The following SRRT variants were observed in gnomAD, a reference collection of about 807,000 sequenced individuals.
SRRT encodes the protein serrate, RNA effector molecule, also known as serrate RNA effector molecule homolog.
In SRRT, 32 loss-of-function variants were observed where a neutral mutation model predicts 103.2. The observed-to-expected ratio is 0.31, with a 90% CI of 0.23 to 0.42. The LOEUF (loss-of-function observed/expected upper bound fraction) is 0.42. Ranked by LOEUF, SRRT falls within the 10% of genes least tolerant of loss-of-function variation. SRRT has a pLI of 1.00. For synonymous variants in SRRT, 525 were observed against 449.0 expected (o/e 1.17, Z -2.14); for missense variants, 986 against 1,207.5 (o/e 0.82, Z 2.72).
intron 3 of SRRT, 72 bp from the exon 4 acceptor site, chr7:100,881,587 C>G: frequency 6.3e-7 from 1 of 1,599,894 alleles, no homozygotes; most frequent in South Asian, 1.1e-5. Context: ...TGTGTACCCC[C>G]GTCTGTCCAT....
In SRRT at chr7:100,882,387, G is replaced by T; in HGVS notation, c.587+146G>T. The T allele has an allele frequency of 2.3e-6, 2 of 868,552 alleles. No individual in the cohort carries two copies. Among genetic ancestry groups the T allele is most frequent in the Non-Finnish European group, 1.7e-6 (1 of 576,686 alleles). 53.8% of individuals were successfully genotyped at this position (868,552 alleles called of 1,614,324 possible). The stretch of plus-strand genomic sequence containing the variant: ...GGGAAGTATGACAGCATTGGCTGAT[G>T]GGGTCTCCCCCTCACTTCAGCAACT... On this transcript the variant is annotated intron_variant, in intron 5 of 19. Coordinates refer to ENST00000611405, the MANE Select transcript of SRRT (RefSeq NM_015908.6). The surrounding 1 kb of genome is among the most constrained non-coding windows in gnomAD (Gnocchi z 4.2).
At position 100,884,778 on chromosome 7, in the gene SRRT, G is replaced by A. The variant is rs766445211; in HGVS notation, c.981G>A (p.Lys327=). 4.3e-6 allele frequency: 7 copies of A among 1,613,970 alleles called. No homozygotes were observed. In the African/African-American group the frequency reaches 9.3e-5, roughly 22 times the overall value. Residue 327 remains lysine (K), a synonymous_variant, in exon 8 of 20, where the codon AAG becomes AAA. Coordinates refer to ENST00000611405, the MANE Select transcript of SRRT (RefSeq NM_015908.6). ...GTTCTAATGATGACAAAACAAAGAA[G>A]TCGGAGGGTGATGGGGACAAGGAAG... is the stretch of plus-strand genomic sequence containing the variant. ...NDSSNDDKTK[K]SEGDGDKEEK...
intron 2 of SRRT, chr7:100,880,758 C>T (rs1297439929): frequency 2.2e-5 from 9 of 406,708 alleles, no homozygotes; most frequent in East Asian, 1.8e-4. Context: ...TTGCTGCAGC[C>T]GCGACCTGCC....
chr7:100,888,284 C>T lies in SRRT; in HGVS notation c.2456C>T (p.Thr819Ile), dbSNP rs754994120. Residue 819 changes from threonine (T) to isoleucine (I), a missense_variant, in exon 19 of 20, where the codon ACA becomes ATA. Thr to Ile is a moderately conservative substitution (Grantham distance 89). Around this residue, in one of 6 missense-constraint regions of SRRT, gnomAD observed 178 missense variants for 189.6 expected, o/e 0.94. Transcript: ENST00000611405. ...GAGAVRPAVPTGGPPYPHAPY... is the reference protein window; with the variant it reads ...GAGAVRPAVPIGGPPYPHAPY... The stretch of plus-strand genomic sequence containing the variant: ...GGTGCTGTCCGCCCTGCAGTCCCCA[C>T]AGGAGGCCCTCCATACCCCCATGCC... 18 of 1,612,502 alleles carry T rather than the reference C, an allele frequency of 1.1e-5. No individual in the cohort carries two copies. Among genetic ancestry groups the T allele is most frequent in the Non-Finnish European group, 1.4e-5 (17 of 1,178,818 alleles).
rs771784129 is a variant in SRRT, at chr7:100,885,382, C to G, written c.1317+12C>G. The G allele has an allele frequency of 1.9e-6, 3 of 1,610,608 alleles. No individual in the cohort carries two copies. Among genetic ancestry groups the G allele is most frequent in the South Asian group, 1.1e-5 (1 of 90,876 alleles). ...CCGAGATCATCTCCGTGAGTGGGGA[C>G]CCGTGGAGTCAGGGCAGGGCTGATG... On this transcript the variant is annotated intron_variant, in intron 10 of 19. Transcript: ENST00000611405. The surrounding 1 kb of genome is among the most constrained non-coding windows in gnomAD (Gnocchi z 4.8).
At position 100,881,764 on chromosome 7, in the gene SRRT, C is replaced by A. The variant is rs144415744; in HGVS notation, c.357C>A (p.Asp119Glu). The A allele has an allele frequency of 3.1e-4, 500 of 1,613,600 alleles. 4 individuals carry two copies. The East Asian group carries it at 8.3e-3, about 27-fold the overall frequency. ...YGPPQPWGHP[D>E]VHIMQHHVLP... ...CCCCTCAGCCCTGGGGCCACCCTGA[C>A]GTCCACATCATGCAGCACCATGTCC... The change falls in exon 4 of 20, where the codon GAC becomes GAA. Residue 119 changes from aspartate (D) to glutamate (E), a missense_variant. Physicochemically the swap from Asp to Glu is conservative, Grantham distance 45. Transcript: ENST00000611405.
intron 18 of SRRT, 21 bp from the exon 19 acceptor site, chr7:100,888,236 C>A: frequency 1.2e-6 from 2 of 1,603,258 alleles, no homozygotes. Context: ...TTTTGCAACT[C>A]AACACTGATC....
rs771479952 is a variant in SRRT, at chr7:100,886,291, C to G, written c.1503C>G (p.Thr501=). ...ELSPGVNRDL[T]RRVRNINGIT... ...GCCCTGGTGTGAACAGGGACCTGACCCGGCGCGTTCGCAACATCAACGGCA... is the reference window on the plus strand; with the variant it reads ...GCCCTGGTGTGAACAGGGACCTGACGCGGCGCGTTCGCAACATCAACGGCA... Residue 501 remains threonine (T), a synonymous_variant, in exon 13 of 20, where the codon ACC becomes ACG. Coordinates refer to ENST00000611405, the MANE Select transcript of SRRT (RefSeq NM_015908.6). The G allele has an allele frequency of 2.5e-6, 4 of 1,613,098 alleles. No homozygotes were observed. Among genetic ancestry groups the G allele is most frequent in the Non-Finnish European group, 8.5e-7 (1 of 1,180,002 alleles).
chr7:100,884,259 T>C lies in SRRT; in HGVS notation c.757+20T>C, dbSNP rs1377236342. 1 of 1,613,536 alleles carries C rather than the reference T, an allele frequency of 6.2e-7. No homozygotes were observed. Among genetic ancestry groups the C allele is most frequent in the East Asian group, 2.2e-5 (1 of 44,854 alleles). ...ATGCAGGTGTGCGGATTTGGAGGGGTGGCAGGCATCTGGGCCCCATGGGGG... is the reference window on the plus strand; with the variant it reads ...ATGCAGGTGTGCGGATTTGGAGGGGCGGCAGGCATCTGGGCCCCATGGGGG... On this transcript the variant is annotated intron_variant, in intron 6 of 19. Transcript: ENST00000611405.
In SRRT at chr7:100,875,285, C is replaced by A; in HGVS notation, c.-62C>A. ...CCCGCGACCCAGGTCGCCCTGAAAT[C>A]TAGCCCGTCCGAGCGCGAGTCCAAC... On this transcript the variant is annotated 5_prime_UTR_variant, in exon 1 of 20. Coordinates refer to ENST00000611405, the MANE Select transcript of SRRT (RefSeq NM_015908.6). 1 of 892,468 alleles carries A rather than the reference C, an allele frequency of 1.1e-6. No individual in the cohort carries two copies. The highest frequency in any genetic ancestry group is 1.5e-6 in the Non-Finnish European group (1 of 680,826). The allele number at this position is 892,468 out of a possible 1,614,324, so 55.3% of individuals were successfully genotyped here.
chr7:100,880,316 T>TG (rs752272054), intron 2 of SRRT, among the ~76,000 whole-genome samples: 46 of 151,914 alleles, frequency 3.0e-4, no homozygotes, highest in Middle Eastern at 3.4e-3. Context: ...CTTTTTTTGG[T>TG]GGGGGGGATG....
At position 100,886,941 on chromosome 7, in the gene SRRT, C is replaced by T. The variant is rs374859265; in HGVS notation, c.1794C>T (p.Asn598=). 3.2e-5 allele frequency: 51 copies of T among 1,612,338 alleles called. No individual in the cohort carries two copies. Among genetic ancestry groups the T allele is most frequent in the East Asian group, 1.1e-4 (5 of 44,860 alleles). The change falls in exon 14 of 20, where the codon AAC becomes AAT. Residue 598 remains asparagine (N), a synonymous_variant. Transcript: ENST00000611405. The part of the protein sequence containing the change: ...PPKEGNPAEI[N]VERDEKLIKV... ...AGGAAGGGAACCCGGCAGAGATCAACGTGGAGCGGGATGAGAAGTTGATTA... is the reference window on the plus strand; with the variant it reads ...AGGAAGGGAACCCGGCAGAGATCAATGTGGAGCGGGATGAGAAGTTGATTA...
Position 100,884,557 on chromosome 7 carries a change from G to A in SRRT, c.942+5G>A, listed in dbSNP as rs200398833. ...AAGAAGGAAGACGGCAAGCAGGTCCGAGCCCTGGGTCTCCTAGTGTTGTCC... is the reference window on the plus strand; with the variant it reads ...AAGAAGGAAGACGGCAAGCAGGTCCAAGCCCTGGGTCTCCTAGTGTTGTCC... On this transcript the variant is annotated splice_donor_5th_base_variant and intron_variant, in intron 7 of 19. Coordinates refer to ENST00000611405, the MANE Select transcript of SRRT (RefSeq NM_015908.6). 62 of 1,445,534 alleles carry A rather than the reference G, an allele frequency of 4.3e-5. No homozygotes were observed. Among genetic ancestry groups the A allele is most frequent in the Non-Finnish European group, 5.6e-5 (60 of 1,075,812 alleles). 89.5% of individuals were successfully genotyped at this position (1,445,534 alleles called of 1,614,324 possible).
At position 100,885,737 on chromosome 7, in the gene SRRT, C is replaced by T. The variant is rs932741726; in HGVS notation, c.1354C>T (p.Leu452Phe). ...GTACCCAGGCTTTATGCGGGTGGCG[C>T]TCTCAGAGCCCCAGCCAGAGAGGAG... ...KRYPGFMRVA[L>F]SEPQPERRFF... Residue 452 changes from leucine (L) to phenylalanine (F), a missense_variant, in exon 11 of 20, where the codon CTC becomes TTC. By Grantham distance (22) the Leu-to-Phe change is conservative (BLOSUM62 0). Around this residue, in one of 6 missense-constraint regions of SRRT, gnomAD observed 349 missense variants for 446.9 expected, o/e 0.78. Coordinates refer to ENST00000611405, the MANE Select transcript of SRRT (RefSeq NM_015908.6). The surrounding 1 kb of genome is among the most constrained non-coding windows in gnomAD (Gnocchi z 4.8). The T allele has an allele frequency of 6.2e-7, 1 of 1,613,964 alleles. No individual in the cohort carries two copies. Among genetic ancestry groups the T allele is most frequent in the Non-Finnish European group, 8.5e-7 (1 of 1,179,934 alleles).
At position 100,887,121 on chromosome 7, in the gene SRRT, C is replaced by T. The variant is rs142458683; in HGVS notation, c.1896C>T (p.Asn632=). The change falls in exon 15 of 20, where the codon AAC becomes AAT. Residue 632 remains asparagine, a synonymous_variant. Coordinates refer to ENST00000611405, the MANE Select transcript of SRRT (RefSeq NM_015908.6). The surrounding 1 kb of genome is among the most constrained non-coding windows in gnomAD (Gnocchi z 4.1). ...LDYYNTCEYP[N]EDEMPNRCGI... is the part of the protein sequence containing the mutation. Reference sequence around the variant, plus strand: ...ATTACAACACCTGTGAGTACCCCAACGAGGACGAGATGCCCAATCGCTGTG... The same window carrying T: ...ATTACAACACCTGTGAGTACCCCAATGAGGACGAGATGCCCAATCGCTGTG... 2.2e-4 allele frequency: 362 copies of T among 1,614,230 alleles called. No homozygotes were observed. In the African/African-American group the frequency reaches 2.5e-3, roughly 11 times the overall value.
rs924292824 is a variant in SRRT, at chr7:100,886,662, C to G, written c.1648-133C>G. On this transcript the variant is annotated intron_variant, in intron 13 of 19. Transcript: ENST00000611405. ...AACAAAAGCTAAAATAAAGACAAAT[C>G]TCAAGGGGGCAAAAGGTGCCATTTA... is the stretch of plus-strand genomic sequence containing the variant. The G allele has an allele frequency of 6.3e-6, 7 of 1,114,208 alleles. No homozygotes were observed. The Admixed American group carries it at 8.6e-5, about 14-fold the overall frequency. The allele number at this position is 1,114,208 out of a possible 1,614,324, so 69.0% of individuals were successfully genotyped here.
intron 2 of SRRT, among the ~76,000 whole-genome samples, chr7:100,879,894 C>G (rs1816123418): frequency 6.6e-6 from 1 of 151,822 alleles, no homozygotes; most frequent in African/African-American, 2.4e-5. Context: ...GGTGGAGAGG[C>G]TGGTGACTGG....
At chr7:100,877,390 C>T (rs113935767) in intron 2 of SRRT, among the ~76,000 whole-genome samples, 96 of 130,730 alleles carry the variant, frequency 7.3e-4, no homozygotes, top group African/African-American at 2.6e-3. Flanking sequence ...CCCTGCACTC[C>T]GGCCTGGCGA....
At chr7:100,886,691 C>G (rs923051026) in intron 13 of SRRT, 104 bp from the exon 14 acceptor site, 1 of 1,324,304 alleles carries the variant, frequency 7.6e-7, no homozygotes, top group Non-Finnish European at 1.1e-6. Flanking sequence ...CCATTTATGT[C>G]CGGTGAACTC....
Sources: allele counts gnomAD v4.1 joint callset (sites outside exome capture counted in the v4.1 genomes callset), GRCh38; gene constraint gnomAD v4.1.1; regional missense constraint gnomAD v4.1.1; non-coding constraint Gnocchi (gnomAD v3.1); transcripts MANE v1.5; gene names NCBI Gene and HGNC (gene_info 2026-07-23, HGNC 2026-07-21).